The following PIK3C2G variants were observed in gnomAD, a reference collection of about 807,000 sequenced individuals.
PIK3C2G encodes phosphatidylinositol-4-phosphate 3-kinase catalytic subunit type 2 gamma.
In PIK3C2G, 168 loss-of-function variants were observed where a neutral mutation model predicts 181.1. The ratio of observed to expected loss-of-function variants is 0.93; its 90% CI spans 0.82 to 1.05. The LOEUF is 1.05. PIK3C2G is among the 50% of genes least tolerant of loss of function. PIK3C2G has a pLI of 0.00. For synonymous variants in PIK3C2G, 573 were observed against 592.2 expected (o/e 0.97, Z 0.47); for missense variants, 1,869 against 1,732.8 (o/e 1.08, Z -1.40).
chr12:18,438,991 G>C (rs915076357), intron 18 of PIK3C2G, among the ~76,000 whole-genome samples: 4 of 151,832 alleles, frequency 2.6e-5, no homozygotes, highest in African/African-American at 9.7e-5. Flanking sequence ...CAGTTCCCAA[G>C]GTTATATCAC....
At chr12:18,639,433 A>G (rs1949750368) in intron 31 of PIK3C2G, among the ~76,000 whole-genome samples, 1 of 152,172 alleles carries the variant, frequency 6.6e-6, no homozygotes, top group African/African-American at 2.4e-5. Flanking sequence ...GAATTAGTAA[A>G]CAAAACAAGC....
rs539374617 is a variant in PIK3C2G, at chr12:18,451,485, A to G, written c.2504+27446A>G. ...CTTAAGAAGTTTTTGGGCTCACACAATGGGGTTTTCTAAATATAATCATGT... is the reference window on the plus strand; with the variant it reads ...CTTAAGAAGTTTTTGGGCTCACACAGTGGGGTTTTCTAAATATAATCATGT... On this transcript the variant is annotated intron_variant, in intron 18 of 32. Coordinates refer to ENST00000538779, the MANE Select transcript of PIK3C2G (RefSeq NM_001288772.2). Among the ~76,000 whole-genome samples the G allele has an allele frequency of 3.3e-5, 5 of 152,298 alleles. No homozygotes were observed. The East Asian group carries it at 7.7e-4, about 24-fold the overall frequency.
chr12:18,724,668 T>C, the PIK3C2G span, among the ~76,000 whole-genome samples: 1 of 152,136 alleles, frequency 6.6e-6, no homozygotes, highest in Non-Finnish European at 1.5e-5. Flanking sequence ...CTTACTTAAA[T>C]AACATGCTTC....
intron 1 of PIK3C2G, among the ~76,000 whole-genome samples, chr12:18,278,695 C>T (rs187873213): frequency 9.9e-5 from 15 of 152,118 alleles, no homozygotes; most frequent in East Asian, 9.7e-4. Context: ...GTTTCAAAGT[C>T]GAAGTGTATG....
intron 8 of PIK3C2G, among the ~76,000 whole-genome samples, chr12:18,325,740 AAG>A (rs1951317814): frequency 6.6e-6 from 1 of 151,652 alleles, no homozygotes; most frequent in Non-Finnish European, 1.5e-5. Flanking sequence ...AGAGAGAGAA[AAG>A]AGTCAGGAAC....
At chr12:18,647,225 AG>A (rs1417905435) in intron 32 of PIK3C2G, among the ~76,000 whole-genome samples, 2 of 152,160 alleles carry the variant, frequency 1.3e-5, no homozygotes, top group African/African-American at 4.8e-5. Flanking sequence ...TAAGTAGCAC[AG>A]GAAAATCATA....
At chr12:18,662,299 C>A in the PIK3C2G span, among the ~76,000 whole-genome samples, 3 of 108,032 alleles carry the variant, frequency 2.8e-5, no homozygotes, top group Non-Finnish European at 6.7e-5. Context: ...TGAACATGTA[C>A]CTCTAAACAT....
chr12:18,719,495 A>G, the PIK3C2G span: 1 of 1,588,638 alleles, frequency 6.3e-7, no homozygotes, highest in East Asian at 2.3e-5. Flanking sequence ...GTGTTATGTG[A>G]AGATGAAATA....
At chr12:18,289,722 A>G (rs1949606066) in intron 3 of PIK3C2G, among the ~76,000 whole-genome samples, 2 of 152,166 alleles carry the variant, frequency 1.3e-5, no homozygotes, top group African/African-American at 4.8e-5. Flanking sequence ...CCATTGGGTG[A>G]ATGTGTATTT....
At chr12:18,684,716 A>G in the PIK3C2G span, among the ~76,000 whole-genome samples, 4 of 152,194 alleles carry the variant, frequency 2.6e-5, no homozygotes, top group East Asian at 7.7e-4. Flanking sequence ...GAAATGAAGA[A>G]AATTAAGTAA....
At chr12:18,537,431 T>TC (rs1169463748) in intron 24 of PIK3C2G, among the ~76,000 whole-genome samples, 1 of 151,940 alleles carries the variant, frequency 6.6e-6, no homozygotes, top group African/African-American at 2.4e-5. Context: ...TGCTAATATT[T>TC]CATCTCAGCC....
intron 11 of PIK3C2G, among the ~76,000 whole-genome samples, chr12:18,360,041 T>C (rs1941097019): frequency 6.6e-6 from 1 of 152,188 alleles, no homozygotes; most frequent in Non-Finnish European, 1.5e-5. Context: ...CTTTGTCTTT[T>C]CCTCTCTGGC....
intron 31 of PIK3C2G, among the ~76,000 whole-genome samples, chr12:18,619,395 C>G (rs1948744946): frequency 6.6e-6 from 1 of 152,040 alleles, no homozygotes. Flanking sequence ...CAGACAAACT[C>G]TACAAACAAA....
chr12:18,671,429 G>A, the PIK3C2G span, among the ~76,000 whole-genome samples: 5 of 152,134 alleles, frequency 3.3e-5, no homozygotes, highest in Non-Finnish European at 4.4e-5. Context: ...ATAAGGGACT[G>A]TGTGTGACTG....
chr12:18,552,419 A>G (rs1395314654), intron 26 of PIK3C2G, among the ~76,000 whole-genome samples: 1 of 151,996 alleles, frequency 6.6e-6, no homozygotes, highest in Admixed American at 6.6e-5. Flanking sequence ...TTTTACTGTG[A>G]TGCGAACTGT....
the PIK3C2G span, among the ~76,000 whole-genome samples, chr12:18,722,814 T>C: frequency 6.6e-6 from 1 of 152,088 alleles, no homozygotes; most frequent in East Asian, 1.9e-4. Context: ...CGAAATGTTG[T>C]AGATAATTAT....
intron 14 of PIK3C2G, among the ~76,000 whole-genome samples, chr12:18,388,202 T>G (rs1943300629): frequency 6.6e-6 from 1 of 152,146 alleles, no homozygotes; most frequent in Non-Finnish European, 1.5e-5. Flanking sequence ...GCCACCCAGT[T>G]AGCAGTTATC....
the PIK3C2G span, among the ~76,000 whole-genome samples, chr12:18,692,198 A>G: frequency 6.6e-6 from 1 of 152,128 alleles, no homozygotes; most frequent in Non-Finnish European, 1.5e-5. Context: ...ACAGAAACAT[A>G]AACACTACAA....
chr12:18,378,654 C>T (rs1942624810), intron 13 of PIK3C2G, among the ~76,000 whole-genome samples: 1 of 151,978 alleles, frequency 6.6e-6, no homozygotes, highest in South Asian at 2.1e-4. Context: ...CTACAAAGAA[C>T]TCAAATTTAC....
Sources: gnomAD v4.1 joint callset for allele counts (sites outside exome capture counted in the v4.1 genomes callset) on GRCh38, gnomAD v4.1.1 for gene constraint, MANE v1.5 for transcripts, NCBI Gene and HGNC (gene_info 2026-07-23, HGNC 2026-07-21) for gene names.